The following PUDP variants were observed in gnomAD, a reference collection of about 807,000 sequenced individuals.
PUDP encodes pseudouridine-5'-phosphatase.
In PUDP, 8 loss-of-function variants were observed where a neutral mutation model predicts 9.4. The ratio of observed to expected loss-of-function variants is 0.85; its 90% CI spans 0.50 to 1.53. The LOEUF is 1.53. PUDP is among the 40% of genes most tolerant of loss of function. PUDP has a pLI of 0.00. For missense variants in PUDP, 188 were observed against 189.7 expected (o/e 0.99, Z 0.05); for synonymous variants, 99 against 80.7 (o/e 1.23, Z -1.22).
chrX:6,921,078 C>T (rs761096350), intron 3 of PUDP, among the ~76,000 whole-genome samples: 15 of 110,949 alleles, frequency 1.4e-4, no homozygotes, highest in South Asian at 3.9e-4. Context: ...GCTTGAGTCA[C>T]GGGTCATCAG....
At chrX:6,868,093 G>C (rs748398296) in intron 3 of PUDP, among the ~76,000 whole-genome samples, 3 of 111,936 alleles carry the variant, frequency 2.7e-5, no homozygotes, top group South Asian at 3.8e-4. Flanking sequence ...TCAAACCATA[G>C]CAACAGTGGT....
At chrX:6,807,470 T>C (rs1926070082) in intron 3 of PUDP, among the ~76,000 whole-genome samples, 1 of 112,609 alleles carries the variant, frequency 8.9e-6, no homozygotes, top group South Asian at 3.6e-4. Flanking sequence ...GTACCATTAA[T>C]GGTCTGTTGC....
intron 3 of PUDP, among the ~76,000 whole-genome samples, chrX:6,864,722 G>C (rs755660112): frequency 1.2e-4 from 13 of 111,477 alleles, no homozygotes; most frequent in Non-Finnish European, 2.1e-4. Context: ...CTTGCCTCCT[G>C]GCCTCCTTCC....
intron 3 of PUDP, among the ~76,000 whole-genome samples, chrX:6,840,840 G>A (rs1358131884): frequency 9.2e-6 from 1 of 108,884 alleles, no homozygotes; most frequent in Non-Finnish European, 1.9e-5. Flanking sequence ...TGGGGGGGTT[G>A]TGCATATGTG....
intron 3 of PUDP, among the ~76,000 whole-genome samples, chrX:6,795,111 C>G (rs1925822211): frequency 9.1e-6 from 1 of 109,853 alleles, no homozygotes; most frequent in East Asian, 2.9e-4. Flanking sequence ...TCTAGGCCTA[C>G]AAAGGGTTGG....
At chrX:7,000,580 A>G (rs1439794317) in intron 1 of PUDP, among the ~76,000 whole-genome samples, 1 of 110,078 alleles carries the variant, frequency 9.1e-6, no homozygotes, top group Non-Finnish European at 1.9e-5. Context: ...AGAAACAAAT[A>G]CATTTATAAA....
chrX:6,756,813 G>A (rs1337979577), intron 3 of PUDP, among the ~76,000 whole-genome samples: 2 of 111,921 alleles, frequency 1.8e-5, no homozygotes, highest in Non-Finnish European at 3.8e-5. Flanking sequence ...CAGAAGACAT[G>A]GCAAGAAAGA....
At chrX:6,877,401 G>C (rs1017550535) in intron 3 of PUDP, among the ~76,000 whole-genome samples, 2 of 111,955 alleles carry the variant, frequency 1.8e-5, no homozygotes, top group African/African-American at 6.5e-5. Flanking sequence ...AATTCTCTCT[G>C]AACCTCATCT....
At chrX:6,858,682 T>G (rs769856062) in intron 3 of PUDP, among the ~76,000 whole-genome samples, 3 of 111,753 alleles carry the variant, frequency 2.7e-5, no homozygotes, top group Non-Finnish European at 5.6e-5. Context: ...TTTAGTAAGT[T>G]CTAGTGAATT....
chrX:6,753,603 G>C (rs1256329635), intron 3 of PUDP, among the ~76,000 whole-genome samples: 1 of 111,923 alleles, frequency 8.9e-6, no homozygotes, highest in Non-Finnish European at 1.9e-5. Flanking sequence ...GTGTGGAAGT[G>C]CTCCCTTTTC....
At chrX:6,713,067 A>C (rs919938717) in intron 1 of PUDP, among the ~76,000 whole-genome samples, 2 of 110,963 alleles carry the variant, frequency 1.8e-5, no homozygotes, top group African/African-American at 6.6e-5. Context: ...AAAAAGAAAC[A>C]CCAAAAGGCT....
chrX:6,789,743 A>C (rs1194762184), intron 3 of PUDP, among the ~76,000 whole-genome samples: 1 of 110,630 alleles, frequency 9.0e-6, no homozygotes, highest in African/African-American at 3.3e-5. Flanking sequence ...TGTTTATTTA[A>C]GATACCTAGG....
chrX:6,941,341 C>CTTTTTTTTTTTTTTTTTTTTTTTT (rs761887998), intron 3 of PUDP, among the ~76,000 whole-genome samples: 2 of 78,647 alleles, frequency 2.5e-5, no homozygotes, highest in East Asian at 4.2e-4. Context: ...TCTTTTCTGT[C>CTTTTTTTTTTTTTTTTTTTTTTTT]TTTTTTTTTT....
intron 3 of PUDP, among the ~76,000 whole-genome samples, chrX:6,813,020 G>A (rs1926169292): frequency 9.0e-6 from 1 of 110,929 alleles, no homozygotes; most frequent in South Asian, 3.9e-4. Flanking sequence ...CTTGAGCCCA[G>A]AAGGTCAAGG....
chrX:6,895,281 T>G (rs1255314201), intron 3 of PUDP, among the ~76,000 whole-genome samples: 6 of 107,156 alleles, frequency 5.6e-5, no homozygotes, highest in Non-Finnish European at 5.7e-5. Flanking sequence ...TACTATATAT[T>G]ATATAATTAA....
chrX:6,981,335 G>A (rs1198892611), intron 1 of PUDP, among the ~76,000 whole-genome samples: 1 of 111,539 alleles, frequency 9.0e-6, no homozygotes, highest in Non-Finnish European at 1.9e-5. Flanking sequence ...ATTTAAAAAG[G>A]TTAGGAAGAA....
At chrX:6,803,480 C>A (rs778796850) in intron 3 of PUDP, among the ~76,000 whole-genome samples, 2 of 112,297 alleles carry the variant, frequency 1.8e-5, no homozygotes, top group African/African-American at 6.5e-5. Flanking sequence ...ACCCCTCCAA[C>A]CCCATCACCA....
intron 2 of PUDP, among the ~76,000 whole-genome samples, chrX:7,093,308 T>C (rs1197330766): frequency 9.0e-6 from 1 of 111,632 alleles, no homozygotes; most frequent in Non-Finnish European, 1.9e-5. Context: ...CAGAACTCAA[T>C]CAAAAGGAAA....
At chrX:7,043,379 GCTT>G (rs1016139373) in intron 1 of PUDP, among the ~76,000 whole-genome samples, 2 of 110,639 alleles carry the variant, frequency 1.8e-5, no homozygotes, top group African/African-American at 6.6e-5. Context: ...TCTTTCTCTT[GCTT>G]CTTCTCTCTC....
Sources: gnomAD v4.1 joint callset for allele counts (sites outside exome capture counted in the v4.1 genomes callset) on GRCh38, gnomAD v4.1.1 for gene constraint, MANE v1.5 for transcripts, NCBI Gene and HGNC (gene_info 2026-07-23, HGNC 2026-07-21) for gene names.